GABBR2: variants seen among roughly 807,000 people sequenced by gnomAD.
GABBR2 encodes gamma-aminobutyric acid type B receptor subunit 2.
GABBR2 carries 23 observed loss-of-function variants against 105.6 expected under a neutral mutation model. That is an observed-to-expected ratio of 0.22 (90% confidence interval 0.16 to 0.31). The LOEUF (loss-of-function observed/expected upper bound fraction) is 0.31. GABBR2 is among the 10% of genes least tolerant of loss of function. The pLI is 1.00. For missense variants in GABBR2, 734 were observed against 1,245.5 expected (o/e 0.59, Z 6.18); for synonymous variants, 478 against 499.7 (o/e 0.96, Z 0.58).
chr9:98,297,487 C>T (rs1003487563), intron 17 of GABBR2, among the ~76,000 whole-genome samples: 2 of 151,852 alleles, frequency 1.3e-5, no homozygotes, highest in African/African-American at 2.4e-5. Flanking sequence ...GTGGCAGGCA[C>T]CTGTAATCCC....
At chr9:98,427,626 T>C (rs1564064771) in intron 7 of GABBR2, among the ~76,000 whole-genome samples, 1 of 152,218 alleles carries the variant, frequency 6.6e-6, no homozygotes, top group Non-Finnish European at 1.5e-5. Context: ...TTGTAGGATA[T>C]GTCTAGAGAA....
At chr9:98,315,311 TC>T (rs760558722) in intron 13 of GABBR2, among the ~76,000 whole-genome samples, 13 of 152,050 alleles carry the variant, frequency 8.5e-5, no homozygotes, top group Non-Finnish European at 1.6e-4. Flanking sequence ...ACACCCACCT[TC>T]CCCATATTCA....
chr9:98,630,571 A>G (rs1013872459), intron 1 of GABBR2, among the ~76,000 whole-genome samples: 27 of 152,332 alleles, frequency 1.8e-4, no homozygotes, highest in East Asian at 1.4e-3. Flanking sequence ...TCCTTAGCTC[A>G]GCAGCAAGAG....
At chr9:98,351,148 T>C (rs1213759280) in intron 13 of GABBR2, among the ~76,000 whole-genome samples, 1 of 145,576 alleles carries the variant, frequency 6.9e-6, no homozygotes, top group Admixed American at 7.2e-5. Context: ...GTGAGATTCT[T>C]GTAGGCAGCT....
intron 7 of GABBR2, among the ~76,000 whole-genome samples, chr9:98,423,449 T>C (rs1832820029): frequency 6.6e-6 from 1 of 152,224 alleles, no homozygotes; most frequent in Non-Finnish European, 1.5e-5. Context: ...CACTTTTTGA[T>C]GGGGTTGTTT....
At chr9:98,653,747 GCACACCCACACACACAAA>G (rs1214077149) in intron 1 of GABBR2, among the ~76,000 whole-genome samples, 3 of 149,826 alleles carry the variant, frequency 2.0e-5, no homozygotes, top group Non-Finnish European at 4.5e-5. Flanking sequence ...ACACACATAT[GCACACCCACACACACAAA>G]CACACCTCTT....
intron 3 of GABBR2, among the ~76,000 whole-genome samples, chr9:98,514,823 C>T (rs528194969): frequency 6.6e-6 from 1 of 152,270 alleles, no homozygotes; most frequent in Admixed American, 6.5e-5. Context: ...AAACCATTCC[C>T]TGGCTGTCTG....
chr9:98,389,085 T>A (rs1832132413), intron 9 of GABBR2, 81 bp from the exon 10 acceptor site: 1 of 1,249,320 alleles, frequency 8.0e-7, no homozygotes, highest in African/African-American at 1.5e-5. Flanking sequence ...GTCCCTGACA[T>A]CCAGCCAGGC....
chr9:98,575,937 C>T (rs1564119230), intron 2 of GABBR2, among the ~76,000 whole-genome samples: 1 of 152,210 alleles, frequency 6.6e-6, no homozygotes, highest in African/African-American at 2.4e-5. Context: ...CGGCGCTCTC[C>T]CCCATGTCTC....
At chr9:98,401,448 T>G (rs1000241732) in intron 8 of GABBR2, among the ~76,000 whole-genome samples, 1 of 152,138 alleles carries the variant, frequency 6.6e-6, no homozygotes, top group African/African-American at 2.4e-5. Context: ...GCCACCTTTC[T>G]TAGGCTCCCT....
chr9:98,370,840 G>A (rs1052807368), intron 12 of GABBR2, among the ~76,000 whole-genome samples: 18 of 152,084 alleles, frequency 1.2e-4, no homozygotes, highest in African/African-American at 3.4e-4. Context: ...ATACCAAACC[G>A]CACGGGTGGC....
chr9:98,479,317 A>G (rs1826862231), intron 5 of GABBR2, among the ~76,000 whole-genome samples: 1 of 152,210 alleles, frequency 6.6e-6, no homozygotes, highest in Admixed American at 6.5e-5. Flanking sequence ...ATGAGGTACT[A>G]TGCAGAGGGT....
intron 7 of GABBR2, among the ~76,000 whole-genome samples, chr9:98,414,551 T>C (rs964726654): frequency 6.6e-6 from 1 of 152,220 alleles, no homozygotes; most frequent in Non-Finnish European, 1.5e-5. Context: ...AGGGGGTGAC[T>C]TGATCTAAGT....
intron 1 of GABBR2, among the ~76,000 whole-genome samples, chr9:98,616,110 A>T (rs1273967208): frequency 6.6e-6 from 1 of 152,244 alleles, no homozygotes; most frequent in East Asian, 1.9e-4. Context: ...TGACTTAGCA[A>T]ATCCAAACAA....
At chr9:98,481,689 T>C (rs1268874840) in intron 4 of GABBR2, among the ~76,000 whole-genome samples, 1 of 152,224 alleles carries the variant, frequency 6.6e-6, no homozygotes, top group Non-Finnish European at 1.5e-5. Flanking sequence ...GGTAGTACGT[T>C]CCTTACCGGA....
intron 13 of GABBR2, among the ~76,000 whole-genome samples, chr9:98,333,726 G>T (rs987991773): frequency 1.3e-5 from 2 of 152,142 alleles, no homozygotes; most frequent in African/African-American, 2.4e-5. Flanking sequence ...TGCATATATC[G>T]TTTAGGGGGA....
intron 1 of GABBR2, among the ~76,000 whole-genome samples, chr9:98,703,357 T>C (rs12003878): frequency 0.063 from 9,619 of 152,324 alleles, 539 homozygotes; most frequent in African/African-American, 0.15. Context: ...GTTGGCTTTC[T>C]GTCATTTGCA....
At chr9:98,364,987 G>A (rs1462116872) in intron 12 of GABBR2, among the ~76,000 whole-genome samples, 5 of 152,194 alleles carry the variant, frequency 3.3e-5, no homozygotes, top group Non-Finnish European at 7.3e-5. Flanking sequence ...GTGACCATGA[G>A]CCAATCACTT....
At chr9:98,490,599 A>G (rs943531190) in intron 4 of GABBR2, among the ~76,000 whole-genome samples, 6 of 152,226 alleles carry the variant, frequency 3.9e-5, no homozygotes, top group Admixed American at 6.5e-5. Flanking sequence ...TGCCCCTCCC[A>G]TGTCAATTCC....
Sources: gnomAD v4.1 joint callset for allele counts (sites outside exome capture counted in the v4.1 genomes callset) on GRCh38, gnomAD v4.1.1 for gene constraint, MANE v1.5 for transcripts, NCBI Gene and HGNC (gene_info 2026-07-23, HGNC 2026-07-21) for gene names.